The following CAPN2 variants were observed in gnomAD, a reference collection of about 807,000 sequenced individuals.
The protein encoded by CAPN2 is calpain 2, also known as calpain-2 catalytic subunit.
In CAPN2, 92 loss-of-function variants were observed where a neutral mutation model predicts 102.3. The observed-to-expected ratio is 0.90, with a 90% CI of 0.76 to 1.07. The LOEUF is 1.07. CAPN2 is among the 50% of genes least tolerant of loss of function. The pLI, the probability that CAPN2 is intolerant of heterozygous loss-of-function variation, is 0.00. For synonymous variants in CAPN2, 340 were observed against 355.4 expected (o/e 0.96, Z 0.49); for missense variants, 800 against 909.4 (o/e 0.88, Z 1.55).
chr1:223,771,784 AGTTT>A (rs762102919), intron 18 of CAPN2, 21 bp from the exon 19 acceptor site: 10 of 1,378,582 alleles, frequency 7.3e-6, no homozygotes, highest in East Asian at 4.6e-5. Flanking sequence ...CTTAGCAATG[AGTTT>A]GTTTGTTCAT....
chr1:223,718,785 A>C (rs951904281), intron 2 of CAPN2, among the ~76,000 whole-genome samples: 9 of 152,276 alleles, frequency 5.9e-5, no homozygotes, highest in African/African-American at 2.2e-4. Flanking sequence ...TATACTCCTA[A>C]TACCAGCTGA....
At chr1:223,769,112 T>C (rs1571821476) in intron 16 of CAPN2, among the ~76,000 whole-genome samples, 1 of 152,136 alleles carries the variant, frequency 6.6e-6, no homozygotes, top group Middle Eastern at 3.4e-3. Context: ...TTCTGTTTGT[T>C]TGTTTAGTTG....
rs1260987462 is a variant in CAPN2, at chr1:223,762,240, T to C, written c.1621T>C (p.Leu541=). Reference sequence around the variant, plus strand: ...TGGATTCAGGAGACTGTTTGCCCAGTTGGCAGGAGAGGTAAATGTTCCCAA... The same window carrying C: ...TGGATTCAGGAGACTGTTTGCCCAGCTGGCAGGAGAGGTAAATGTTCCCAA... ...DDGFRRLFAQ[L]AGEDAEISAF... The change falls in exon 14 of 21, where the codon TTG becomes CTG. Residue 541 remains leucine (L), a synonymous_variant. Coordinates refer to ENST00000295006, the MANE Select transcript of CAPN2 (RefSeq NM_001748.5). The C allele has an allele frequency of 1.2e-6, 2 of 1,613,710 alleles. No homozygotes were observed. The highest frequency in any genetic ancestry group is 1.6e-4 in the Middle Eastern group (1 of 6,062).
chr1:223,712,358 C>A, upstream of CAPN2: 1 of 805,988 alleles, frequency 1.2e-6, no homozygotes, highest in Non-Finnish European at 1.5e-6. Flanking sequence ...CCGCGCCATC[C>A]CGGGAGCTGT....
chr1:223,743,321 C>T (rs1401239646), intron 2 of CAPN2, among the ~76,000 whole-genome samples: 3 of 152,194 alleles, frequency 2.0e-5, no homozygotes, highest in Admixed American at 1.3e-4. Flanking sequence ...CTGCCTCTGA[C>T]TCAGGGCTTT....
Position 223,774,210 on chromosome 1 carries a change from TCTC to T in CAPN2, c.2080-619_2080-617del, listed in dbSNP as rs367764450. 2.2e-3 allele frequency among the ~76,000 whole-genome samples: 335 copies of T among 149,574 alleles called. 2 individuals carry two copies. The highest frequency in any genetic ancestry group is 8.0e-3 in the African/African-American group (323 of 40,514). Reference sequence around the variant, plus strand: ...GCCTGCTCAGTCCACTCCCTCCGCATCTCCTCCGAGAAGCATCTTCTTACCCAC... The same window carrying T: ...GCCTGCTCAGTCCACTCCCTCCGCATCTCCGAGAAGCATCTTCTTACCCAC... On this transcript the variant is annotated intron_variant, in intron 20 of 20. Transcript: ENST00000295006.
chr1:223,744,007 T>C, intron 2 of CAPN2, 93 bp from the exon 3 acceptor site: 1 of 840,124 alleles, frequency 1.2e-6, no homozygotes, highest in Non-Finnish European at 2.0e-6. Flanking sequence ...CAGGTTGTCT[T>C]AGGCTTTAAG....
chr1:223,764,031 G>C (rs1467641740), intron 14 of CAPN2, 119 bp from the exon 15 acceptor site: 1 of 776,884 alleles, frequency 1.3e-6, no homozygotes, highest in Non-Finnish European at 2.3e-6. Context: ...TCGGGGGCTT[G>C]TTAGAAATGC....
At chr1:223,771,701 G>A (rs921980372) in intron 18 of CAPN2, 108 bp from the exon 19 acceptor site, 16 of 756,362 alleles carry the variant, frequency 2.1e-5, no homozygotes, top group Non-Finnish European at 3.7e-5. Flanking sequence ...AGGGACAAAA[G>A]CAATTATACC....
Position 223,752,796 on chromosome 1 carries a change from G to A in CAPN2, c.975G>A (p.Trp325Ter). ...LTRRHEDGEF[W>*]MSFSDFLRHY... ...TGATGATTGTCTCTGCTTTTGCCAG[G>A]ATGTCTTTCAGTGACTTCCTGAGGC... The change falls in exon 9 of 21, where the codon TGG becomes TGA. Residue 325 changes from tryptophan (W) to a stop codon, truncating the protein, a stop_gained and splice_region_variant. Transcript: ENST00000295006. LOFTEE classifies it high-confidence loss of function. 3 of 1,614,042 alleles carry A rather than the reference G, an allele frequency of 1.9e-6. No individual in the cohort carries two copies. The highest frequency in any genetic ancestry group is 2.5e-6 in the Non-Finnish European group (3 of 1,179,954).
intron 2 of CAPN2, among the ~76,000 whole-genome samples, chr1:223,737,810 G>A (rs985175035): frequency 1.3e-5 from 2 of 149,914 alleles, no homozygotes; most frequent in African/African-American, 5.0e-5. Flanking sequence ...TGTCAAAACC[G>A]GGAGAGGGGA....
rs12045124 is a variant in CAPN2 at position 223,774,278 on chromosome 1, T to A, written c.2080-556T>A. On this transcript the variant is annotated intron_variant, in intron 20 of 20. Coordinates refer to ENST00000295006, the MANE Select transcript of CAPN2 (RefSeq NM_001748.5). The stretch of plus-strand genomic sequence containing the variant: ...ACTCCTAAGCCTTACCTTTTGCAGG[T>A]TCCTGGAGATCCTCGCTTCTCGTAG... 5.5e-4 allele frequency among the ~76,000 whole-genome samples: 83 copies of A among 152,086 alleles called. 1 individual carries two copies. In the East Asian group the frequency reaches 0.014, roughly 26 times the overall value.
At chr1:223,761,382 G>A (rs534654638) in intron 12 of CAPN2, among the ~76,000 whole-genome samples, 199 bp from the exon 13 acceptor site, 72 of 152,196 alleles carry the variant, frequency 4.7e-4, no homozygotes, top group African/African-American at 1.6e-3. Context: ...CAGAAACTTG[G>A]AATGCAGAAA....
intron 15 of CAPN2, 23 bp downstream of exon 15, chr1:223,764,230 ACCT>A (rs749028428): frequency 1.1e-4 from 171 of 1,602,954 alleles, no homozygotes; most frequent in Admixed American, 3.2e-4. Context: ...TCATTGCAAA[ACCT>A]CATCCTGCTC....
In CAPN2 at chr1:223,745,447, G is replaced by T. The variant is rs530298746; in HGVS notation, c.560+8G>T. The T allele has an allele frequency of 6.2e-7, 1 of 1,614,130 alleles. No individual in the cohort carries two copies. Among genetic ancestry groups the T allele is most frequent in the Non-Finnish European group, 8.5e-7 (1 of 1,180,000 alleles). On this transcript the variant is annotated splice_region_variant and intron_variant, in intron 4 of 20. Transcript: ENST00000295006. ...GGAGAAGGCATACGCCAAGTAAGTT[G>T]CCATCCTCCCCTGGCCCCATGGCCT...
intron 1 of CAPN2, among the ~76,000 whole-genome samples, chr1:223,703,313 AT>A (rs139483852): frequency 0.22 from 31,726 of 145,968 alleles, 3,706 homozygotes; most frequent in East Asian, 0.39. Context: ...AAAGCATTTG[AT>A]TTTTTTTTTT....
intron 11 of CAPN2, chr1:223,759,000 T>G (rs188851922): frequency 4.3e-6 from 2 of 470,368 alleles, no homozygotes; most frequent in African/African-American, 3.9e-5. Context: ...AAAAGTTTGC[T>G]TTTTATCTAA....
At chr1:223,702,892 A>G (rs1659519041) in intron 1 of CAPN2, among the ~76,000 whole-genome samples, 1 of 152,204 alleles carries the variant, frequency 6.6e-6, no homozygotes, top group Non-Finnish European at 1.5e-5. Flanking sequence ...AAGAAAAACC[A>G]GGAGAAGGAG....
upstream of CAPN2, among the ~76,000 whole-genome samples, chr1:223,710,261 G>A (rs188259563): frequency 6.6e-6 from 1 of 151,990 alleles, no homozygotes; most frequent in Non-Finnish European, 1.5e-5. Context: ...CTCCAGCCTG[G>A]GTGACAGGGT....
Sources: gnomAD v4.1 joint callset for allele counts (sites outside exome capture counted in the v4.1 genomes callset) on GRCh38, gnomAD v4.1.1 for gene constraint, MANE v1.5 for transcripts, NCBI Gene and HGNC (gene_info 2026-07-23, HGNC 2026-07-21) for gene names.